Variants in TIMP3 observed in about 807,000 individuals in gnomAD.
TIMP3 encodes metalloproteinase inhibitor 3.
Under a neutral mutation model 30.0 loss-of-function variants are expected in TIMP3, and 11 were observed. That is an observed-to-expected ratio of 0.37 (90% CI 0.23 to 0.61). The LOEUF (loss-of-function observed/expected upper bound fraction) is 0.61. TIMP3 is among the 20% of genes least tolerant of loss of function. The pLI, the probability that TIMP3 is intolerant of heterozygous loss-of-function variation, is 0.70. For missense variants in TIMP3, 181 were observed against 276.8 expected, an observed-to-expected ratio of 0.65 and a Z score of 2.45; for synonymous variants, 112 against 111.3, an observed-to-expected ratio of 1.01 and a Z score of -0.04.
chr22:32,801,870 G>A lies in TIMP3; in HGVS notation c.-132G>A. On this transcript the variant is annotated 5_prime_UTR_variant, in exon 1 of 5. Coordinates refer to ENST00000266085, the MANE Select transcript of TIMP3 (RefSeq NM_000362.5). The surrounding 1 kb of genome is among the most constrained non-coding windows in gnomAD (Gnocchi z 4.7). ...TCCCGCCGGGCACTCGGAGGGCAGCGCGCCGGAGGCCAAGGTTGCCCCGCA... is the reference window on the plus strand; with the variant it reads ...TCCCGCCGGGCACTCGGAGGGCAGCACGCCGGAGGCCAAGGTTGCCCCGCA... 8.5e-7 allele frequency: 1 copy of A among 1,171,368 alleles called. No homozygotes were observed. The highest frequency in any genetic ancestry group is 1.1e-6 in the Non-Finnish European group (1 of 928,958). 72.6% of individuals were successfully genotyped at this position (1,171,368 alleles called of 1,614,324 possible).
Position 32,802,022 on chromosome 22 carries a change from C to T in TIMP3, c.21C>T (p.Leu7=), listed in dbSNP as rs2046600398. The part of the protein sequence containing the change: MTPWLG[L]IVLLGSWSLG... ...CGGCAATGACCCCTTGGCTCGGGCT[C>T]ATCGTGCTCCTGGGCAGCTGGAGCC... The change falls in exon 1 of 5, where the codon CTC becomes CTT. Residue 7 remains leucine, a synonymous_variant. Coordinates refer to ENST00000266085, the MANE Select transcript of TIMP3 (RefSeq NM_000362.5). 5 of 1,577,172 alleles carry T rather than the reference C, an allele frequency of 3.2e-6. No homozygotes were observed. The highest frequency in any genetic ancestry group is 4.3e-6 in the Non-Finnish European group (5 of 1,166,892).
At chr22:32,829,476 T>A (rs568686136) in intron 1 of TIMP3, among the ~76,000 whole-genome samples, 1 of 152,168 alleles carries the variant, frequency 6.6e-6, no homozygotes, top group Non-Finnish European at 1.5e-5. Flanking sequence ...GTAGGCTCAC[T>A]TCTTGGCCTG....
At chr22:32,807,683 C>A (rs1306925480) in intron 1 of TIMP3, among the ~76,000 whole-genome samples, 1 of 150,684 alleles carries the variant, frequency 6.6e-6, no homozygotes, top group African/African-American at 2.4e-5. Flanking sequence ...TGTATTTAAG[C>A]CCCTTCACCC....
At chr22:32,821,370 A>C (rs962925252) in intron 1 of TIMP3, among the ~76,000 whole-genome samples, 3 of 152,244 alleles carry the variant, frequency 2.0e-5, no homozygotes, top group Non-Finnish European at 4.4e-5. Context: ...GAAGATCTGC[A>C]CTTGCTCTTC....
In TIMP3 at chr22:32,844,868, G is replaced by T. The variant is rs137964248; in HGVS notation, c.122-4584G>T. On this transcript the variant is annotated intron_variant, in intron 1 of 4. Coordinates refer to ENST00000266085, the MANE Select transcript of TIMP3 (RefSeq NM_000362.5). ...TGAGACTACAGATACACGGCACCAT[G>T]CCTGGCTAATTGTTTTAAATTTTTA... 1.8e-4 allele frequency among the ~76,000 whole-genome samples: 27 copies of T among 152,068 alleles called. No individual in the cohort carries two copies. In the East Asian group the frequency reaches 4.1e-3, roughly 23 times the overall value.
intron 1 of TIMP3, among the ~76,000 whole-genome samples, chr22:32,820,482 C>T (rs2047216024): frequency 6.6e-6 from 1 of 152,054 alleles, no homozygotes; most frequent in African/African-American, 2.4e-5. Flanking sequence ...ACCTGAAAGC[C>T]GTAACTCCCC....
chr22:32,831,453 G>A (rs1435870348), intron 1 of TIMP3, among the ~76,000 whole-genome samples: 4 of 152,114 alleles, frequency 2.6e-5, no homozygotes, highest in Non-Finnish European at 5.9e-5. Flanking sequence ...AGGGCAGCGG[G>A]GCTGGATTTT....
At chr22:32,825,940 A>G (rs889469482) in intron 1 of TIMP3, among the ~76,000 whole-genome samples, 3 of 152,306 alleles carry the variant, frequency 2.0e-5, no homozygotes, top group Admixed American at 6.5e-5. Context: ...GGATGATTCT[A>G]TTAGCAGGGG....
intron 1 of TIMP3, among the ~76,000 whole-genome samples, chr22:32,825,039 T>C (rs2047361436): frequency 6.6e-6 from 1 of 152,068 alleles, no homozygotes; most frequent in Admixed American, 6.6e-5. Context: ...AATCGCAGGC[T>C]GGGTCCAATG....
chr22:32,825,790 T>C (rs1366390448), intron 1 of TIMP3, among the ~76,000 whole-genome samples: 6 of 150,364 alleles, frequency 4.0e-5, no homozygotes, highest in South Asian at 4.2e-4. Context: ...ATGTTTATCA[T>C]AGAGTTGTTT....
At chr22:32,806,147 G>T (rs1356135079) in intron 1 of TIMP3, among the ~76,000 whole-genome samples, 1 of 151,990 alleles carries the variant, frequency 6.6e-6, no homozygotes, top group Non-Finnish European at 1.5e-5. Flanking sequence ...ATCAGTTAGG[G>T]CTCCCCAGTG....
chr22:32,853,261 T>C (rs2048273087), intron 2 of TIMP3, among the ~76,000 whole-genome samples: 1 of 152,220 alleles, frequency 6.6e-6, no homozygotes, highest in Non-Finnish European at 1.5e-5. Context: ...CTACATTCTC[T>C]GCCTGTCCTG....
In TIMP3 at chr22:32,837,261, C is replaced by T. The variant is rs2047758728; in HGVS notation, c.122-12191C>T. On this transcript the variant is annotated intron_variant, in intron 1 of 4. Coordinates refer to ENST00000266085, the MANE Select transcript of TIMP3 (RefSeq NM_000362.5). This position sits in a 1 kb window ranked among gnomAD's most constrained non-coding sequence, Gnocchi z 4.1. ...GACCATGCTGCTATTCTGGTGGCCA[C>T]TTGTGTGGGATAAAGTTTCCCATGG... Among the ~76,000 whole-genome samples the T allele has an allele frequency of 6.6e-6, 1 of 152,164 alleles. No homozygotes were observed. Among genetic ancestry groups the T allele is most frequent in the Non-Finnish European group, 1.5e-5 (1 of 68,044 alleles).
At chr22:32,810,621 A>G (rs1472568081) in intron 1 of TIMP3, among the ~76,000 whole-genome samples, 1 of 152,150 alleles carries the variant, frequency 6.6e-6, no homozygotes, top group Non-Finnish European at 1.5e-5. Context: ...CTACATGGTA[A>G]TTATCCCCTC....
intron 1 of TIMP3, among the ~76,000 whole-genome samples, chr22:32,828,226 T>C (rs1368128687): frequency 6.6e-6 from 1 of 152,210 alleles, no homozygotes; most frequent in Non-Finnish European, 1.5e-5. Flanking sequence ...CTAGTGAGTG[T>C]CTGTGCTGGA....
At chr22:32,832,074 G>C (rs1406593980) in intron 1 of TIMP3, among the ~76,000 whole-genome samples, 1 of 152,148 alleles carries the variant, frequency 6.6e-6, no homozygotes, top group Non-Finnish European at 1.5e-5. Flanking sequence ...GGGTGATTAG[G>C]GGCCAACTCC....
intron 1 of TIMP3, among the ~76,000 whole-genome samples, chr22:32,809,842 T>G (rs530288527): frequency 1.3e-5 from 2 of 152,338 alleles, no homozygotes; most frequent in South Asian, 4.1e-4. Flanking sequence ...TTCTTTGGTA[T>G]ATCGCTGTCC....
chr22:32,843,414 A>G (rs1024920366), intron 1 of TIMP3, among the ~76,000 whole-genome samples: 4 of 152,178 alleles, frequency 2.6e-5, no homozygotes, highest in African/African-American at 9.7e-5. Context: ...GGCAGGCTAC[A>G]TTGTAGAGTG....
At chr22:32,845,668 C>T (rs1172090013) in intron 1 of TIMP3, among the ~76,000 whole-genome samples, 1 of 152,122 alleles carries the variant, frequency 6.6e-6, no homozygotes, top group African/African-American at 2.4e-5. Flanking sequence ...AGTGTAGGGG[C>T]CATACTCCAG....
Sources: gnomAD v4.1 joint callset for allele counts (sites outside exome capture counted in the v4.1 genomes callset) on GRCh38, gnomAD v4.1.1 for gene constraint, Gnocchi (gnomAD v3.1) non-coding constraint, MANE v1.5 for transcripts, NCBI Gene and HGNC (gene_info 2026-07-23, HGNC 2026-07-21) for gene names.